Variants in NRG1 observed in about 807,000 individuals in gnomAD.
NRG1 encodes the protein pro-neuregulin-1, membrane-bound isoform.
A neutral mutation model predicts 63.8 loss-of-function variants in NRG1; 18 were observed. The ratio of observed to expected loss-of-function variants is 0.28; its 90% confidence interval spans 0.19 to 0.42. The LOEUF (loss-of-function observed/expected upper bound fraction) is 0.42, where lower values mean the gene tolerates loss of function less well. Among genes scored for constraint, NRG1 ranks in the 10% least tolerant of loss-of-function variants. The pLI, the probability that NRG1 is intolerant of heterozygous loss-of-function variation, is 1.00. For missense variants in NRG1, 762 were observed against 814.7 expected (o/e 0.94, Z 0.79); for synonymous variants, 302 against 301.3 (o/e 1.00, Z -0.02).
intron 1 of NRG1, among the ~76,000 whole-genome samples, chr8:32,329,995 C>T (rs35727240): frequency 6.9e-6 from 1 of 145,358 alleles, no homozygotes; most frequent in Admixed American, 7.1e-5. Flanking sequence ...CCACCTCAGT[C>T]TCCTGAAGCT....
chr8:32,462,710 T>C (rs1328821303), intron 1 of NRG1, among the ~76,000 whole-genome samples: 2 of 150,984 alleles, frequency 1.3e-5, no homozygotes, highest in Non-Finnish European at 2.9e-5. Context: ...TTCAGATGAT[T>C]CTCCTGCCTC....
chr8:32,083,867 A>G (rs1330622545), intron 1 of NRG1, among the ~76,000 whole-genome samples: 3 of 152,188 alleles, frequency 2.0e-5, no homozygotes, highest in East Asian at 1.9e-4. Flanking sequence ...AGCGGTAATT[A>G]TAGAAATCTT....
intron 1 of NRG1, among the ~76,000 whole-genome samples, chr8:32,052,530 C>T (rs1822159383): frequency 6.6e-6 from 1 of 152,058 alleles, no homozygotes; most frequent in African/African-American, 2.4e-5. Flanking sequence ...TATCCTCCCA[C>T]CTCTACGTTT....
intron 1 of NRG1, among the ~76,000 whole-genome samples, chr8:31,976,074 C>T (rs981309697): frequency 2.6e-5 from 4 of 152,108 alleles, no homozygotes; most frequent in Non-Finnish European, 5.9e-5. Flanking sequence ...AATTAAATGG[C>T]TGTAAAGTGA....
At chr8:32,755,760 T>C (rs1829559915) in intron 8 of NRG1, among the ~76,000 whole-genome samples, 1 of 152,096 alleles carries the variant, frequency 6.6e-6, no homozygotes, top group African/African-American at 2.4e-5. Context: ...TTTTTTTTTT[T>C]TAGACAGAAT....
intron 1 of NRG1, among the ~76,000 whole-genome samples, chr8:31,928,249 G>A (rs1189547761): frequency 6.8e-6 from 1 of 147,396 alleles, no homozygotes; most frequent in South Asian, 2.1e-4. Context: ...CACTAATCAT[G>A]AGGGAAATGC....
intron 1 of NRG1, among the ~76,000 whole-genome samples, chr8:32,063,704 G>A (rs976629569): frequency 2.0e-5 from 3 of 152,054 alleles, no homozygotes; most frequent in Non-Finnish European, 4.4e-5. Context: ...TCTTTAAGAT[G>A]GAGAGCATCC....
chr8:32,499,052 G>C (rs958956167), intron 1 of NRG1, among the ~76,000 whole-genome samples: 1 of 152,184 alleles, frequency 6.6e-6, no homozygotes, highest in Non-Finnish European at 1.5e-5. Flanking sequence ...TTCCTGAGAG[G>C]TAAGAGACCT....
At chr8:31,890,954 A>T (rs1002533978) in intron 1 of NRG1, among the ~76,000 whole-genome samples, 1 of 152,176 alleles carries the variant, frequency 6.6e-6, no homozygotes, top group Non-Finnish European at 1.5e-5. Flanking sequence ...CCAATGGCAG[A>T]AAAAAGTAAG....
intron 1 of NRG1, among the ~76,000 whole-genome samples, chr8:32,006,389 G>A (rs916153469): frequency 1.3e-5 from 2 of 151,976 alleles, no homozygotes; most frequent in African/African-American, 4.8e-5. Flanking sequence ...ATTTCACAGG[G>A]CTAATATCCA....
At chr8:32,244,954 A>T (rs990716273) in intron 1 of NRG1, among the ~76,000 whole-genome samples, 7 of 152,190 alleles carry the variant, frequency 4.6e-5, no homozygotes, top group African/African-American at 1.7e-4. Flanking sequence ...TGGGTGGGGA[A>T]AATCTTTCAG....
intron 6 of NRG1, chr8:32,728,297 T>G (rs1361186908): frequency 1.0e-6 from 1 of 983,612 alleles, no homozygotes; most frequent in African/African-American, 1.7e-5. Flanking sequence ...GTGTGAGGTG[T>G]TTTTTGTTTT....
At chr8:32,274,427 C>A (rs2129472683) in intron 1 of NRG1, among the ~76,000 whole-genome samples, 1 of 152,302 alleles carries the variant, frequency 6.6e-6, no homozygotes, top group South Asian at 2.1e-4. Flanking sequence ...CCAGACCACA[C>A]TGTTTAGCCT....
intron 5 of NRG1, chr8:32,647,764 C>T (rs372700847): frequency 6.2e-7 from 1 of 1,604,706 alleles, no homozygotes; most frequent in Non-Finnish European, 8.5e-7. Flanking sequence ...GCCGAGAGGT[C>T]CTCCAGCCCC....
intron 5 of NRG1, among the ~76,000 whole-genome samples, chr8:32,696,424 T>C (rs983231013): frequency 2.0e-5 from 3 of 152,184 alleles, no homozygotes; most frequent in African/African-American, 7.2e-5. Flanking sequence ...CTTTGCTTTT[T>C]CATTCACATT....
chr8:32,567,447 C>A (rs531236589), intron 1 of NRG1, among the ~76,000 whole-genome samples: 5 of 152,312 alleles, frequency 3.3e-5, no homozygotes, highest in South Asian at 4.1e-4. Flanking sequence ...AAAGAAATTT[C>A]TCTGGCCTAG....
chr8:31,700,793 G>T (rs2131187242), intron 1 of NRG1, among the ~76,000 whole-genome samples: 1 of 152,252 alleles, frequency 6.6e-6, no homozygotes, highest in South Asian at 2.1e-4. Flanking sequence ...TCATGGATCT[G>T]TCAGGTTTTA....
At chr8:31,940,158 C>T (rs1362475886) in intron 1 of NRG1, among the ~76,000 whole-genome samples, 1 of 152,082 alleles carries the variant, frequency 6.6e-6, no homozygotes, top group Non-Finnish European at 1.5e-5. Flanking sequence ...GGCCACAAAA[C>T]AAGTCTGAGC....
intron 1 of NRG1, among the ~76,000 whole-genome samples, chr8:32,275,961 G>A (rs1393755705): frequency 1.3e-5 from 2 of 152,166 alleles, no homozygotes; most frequent in African/African-American, 4.8e-5. Context: ...TGATATTTCA[G>A]TGCATGTATA....
Sources: allele counts gnomAD v4.1 joint callset (sites outside exome capture counted in the v4.1 genomes callset), GRCh38; gene constraint gnomAD v4.1.1; transcripts MANE v1.5; gene names NCBI Gene and HGNC (gene_info 2026-07-23, HGNC 2026-07-21).